The following RNLS variants were observed in gnomAD, a reference collection of about 807,000 sequenced individuals.
RNLS encodes renalase.
In RNLS, 39 loss-of-function variants were observed where a neutral mutation model predicts 39.8. That is an observed-to-expected ratio of 0.98 (90% CI 0.76 to 1.28). The LOEUF is 1.28. RNLS is among the 50% of genes most tolerant of loss of function. RNLS has a pLI of 0.00. For missense variants in RNLS, 410 were observed against 413.3 expected, an observed-to-expected ratio of 0.99 and a Z score of 0.07; for synonymous variants, 147 against 150.7, an observed-to-expected ratio of 0.98 and a Z score of 0.18.
At chr10:88,172,681 A>G in the RNLS span, among the ~76,000 whole-genome samples, 1 of 151,430 alleles carries the variant, frequency 6.6e-6, no homozygotes, top group Non-Finnish European at 1.5e-5. Flanking sequence ...TTAGAGTGAT[A>G]TAGTCCCATT....
intron 6 of RNLS, among the ~76,000 whole-genome samples, chr10:88,311,559 G>A (rs578148697): frequency 6.6e-6 from 1 of 152,278 alleles, no homozygotes; most frequent in East Asian, 1.9e-4. Context: ...CAGCTCCCAA[G>A]TCTTTCAAAA....
intron 4 of RNLS, among the ~76,000 whole-genome samples, chr10:88,452,543 A>G (rs1842419131): frequency 6.6e-6 from 1 of 151,550 alleles, no homozygotes; most frequent in Non-Finnish European, 1.5e-5. Context: ...GGGAAGGTGT[A>G]AAAGTGTAAG....
chr10:88,342,935 T>C (rs751200201), intron 5 of RNLS, among the ~76,000 whole-genome samples: 24 of 152,188 alleles, frequency 1.6e-4, no homozygotes, highest in Non-Finnish European at 3.2e-4. Context: ...GCCACGCCCA[T>C]TCTTTTATAT....
intron 4 of RNLS, among the ~76,000 whole-genome samples, chr10:88,469,116 A>T (rs1440740861): frequency 1.3e-5 from 2 of 152,206 alleles, no homozygotes; most frequent in African/African-American, 4.8e-5. Flanking sequence ...ATAAAAAAGC[A>T]GATAAAGAGA....
chr10:88,571,815 A>T (rs1199679052), intron 4 of RNLS, among the ~76,000 whole-genome samples: 1 of 152,164 alleles, frequency 6.6e-6, no homozygotes, highest in Non-Finnish European at 1.5e-5. Flanking sequence ...GTTGACTTAG[A>T]ATAAACCCAA....
intron 4 of RNLS, among the ~76,000 whole-genome samples, chr10:88,453,146 C>T (rs774253891): frequency 5.3e-5 from 8 of 152,122 alleles, no homozygotes; most frequent in African/African-American, 1.7e-4. Context: ...AAGAAGCAAG[C>T]GGGTATGAAT....
At position 88,378,979 on chromosome 10, in the gene RNLS, G is replaced by T. The variant is rs1422824548; in HGVS notation, c.527-16254C>A. Among the ~76,000 whole-genome samples the T allele has an allele frequency of 2.6e-5, 4 of 152,230 alleles. No individual in the cohort carries two copies. The South Asian group carries it at 6.2e-4, about 24-fold the overall frequency. ...CATAGTCATTTACTACCACTATAAA[G>T]TATTATGTACTGTATATATTTGTAT... On this transcript the variant is annotated intron_variant, in intron 4 of 6. Transcript: ENST00000331772.
intron 5 of RNLS, among the ~76,000 whole-genome samples, chr10:88,316,391 T>C: frequency 6.6e-6 from 1 of 152,206 alleles, no homozygotes; most frequent in African/African-American, 2.4e-5. Context: ...CTTAGGAAGT[T>C]TTATTTATGT....
intron 4 of RNLS, among the ~76,000 whole-genome samples, chr10:88,385,240 T>C (rs1472634494): frequency 7.2e-5 from 11 of 152,224 alleles, no homozygotes; most frequent in African/African-American, 1.7e-4. Flanking sequence ...AATTTGTTAA[T>C]TGGGTGTTGG....
At chr10:88,570,033 C>G (rs1451124838) in intron 4 of RNLS, among the ~76,000 whole-genome samples, 1 of 152,000 alleles carries the variant, frequency 6.6e-6, no homozygotes, top group Non-Finnish European at 1.5e-5. Context: ...GAAATAACAC[C>G]AAACTTGTAT....
intron 4 of RNLS, among the ~76,000 whole-genome samples, chr10:88,429,846 C>T (rs185062026): frequency 6.6e-6 from 1 of 151,922 alleles, no homozygotes; most frequent in Non-Finnish European, 1.5e-5. Flanking sequence ...AATCAATTGT[C>T]TATATACAAG....
At chr10:88,251,905 C>CA in the RNLS span, among the ~76,000 whole-genome samples, 1 of 152,198 alleles carries the variant, frequency 6.6e-6, no homozygotes, top group African/African-American at 2.4e-5. Context: ...CCCTGGCCTA[C>CA]AAAGCCTCTT....
the RNLS span, among the ~76,000 whole-genome samples, chr10:88,238,226 A>G: frequency 6.6e-6 from 1 of 152,192 alleles, no homozygotes; most frequent in Non-Finnish European, 1.5e-5. Context: ...ATTTTAGAAC[A>G]TATGTGTTGA....
chr10:88,382,445 A>AT (rs1202213497), intron 4 of RNLS, among the ~76,000 whole-genome samples: 1 of 152,110 alleles, frequency 6.6e-6, no homozygotes, highest in Non-Finnish European at 1.5e-5. Context: ...ATCACAGTAG[A>AT]ATTTTTTCAC....
At chr10:88,452,945 C>T (rs562224348) in intron 4 of RNLS, among the ~76,000 whole-genome samples, 1 of 152,146 alleles carries the variant, frequency 6.6e-6, no homozygotes, top group Admixed American at 6.5e-5. Context: ...GGGCTCAAAA[C>T]CATGTCCAGA....
At chr10:88,509,444 G>T (rs1167033857) in intron 4 of RNLS, among the ~76,000 whole-genome samples, 1 of 97,038 alleles carries the variant, frequency 1.0e-5, no homozygotes, top group African/African-American at 3.4e-5. Flanking sequence ...AAATAAGAGA[G>T]AGAGAGAAAA....
At chr10:88,454,259 T>A (rs151153665) in intron 4 of RNLS, among the ~76,000 whole-genome samples, 4 of 152,268 alleles carry the variant, frequency 2.6e-5, no homozygotes, top group Admixed American at 2.6e-4. Flanking sequence ...ATAAAACAAA[T>A]GACTATCAGA....
chr10:88,191,878 A>G, the RNLS span, among the ~76,000 whole-genome samples: 2 of 152,000 alleles, frequency 1.3e-5, no homozygotes, highest in African/African-American at 2.4e-5. Context: ...TCTGGCTTCA[A>G]TGTACTTTTG....
At chr10:88,270,914 T>C (rs533493491), downstream of RNLS, among the ~76,000 whole-genome samples, 13 of 152,306 alleles carry the variant, frequency 8.5e-5, no homozygotes, top group African/African-American at 2.9e-4. Context: ...TCCTTTGGGA[T>C]GTCTCAAGTT....
Sources: gnomAD v4.1 joint callset for allele counts (sites outside exome capture counted in the v4.1 genomes callset) on GRCh38, gnomAD v4.1.1 for gene constraint, MANE v1.5 for transcripts, NCBI Gene and HGNC (gene_info 2026-07-23, HGNC 2026-07-21) for gene names.